The following ZFHX3 variants were observed in gnomAD, a reference collection of about 807,000 sequenced individuals.
ZFHX3 encodes the protein zinc finger homeobox protein 3.
ZFHX3 carries 42 observed loss-of-function variants against 279.1 expected under a neutral mutation model. The ratio of observed to expected loss-of-function variants is 0.15; its 90% CI spans 0.12 to 0.19. ZFHX3 has a LOEUF of 0.19. Among genes scored for constraint, ZFHX3 ranks in the 10% least tolerant of loss-of-function variants. The probability of loss-of-function intolerance (pLI) is 1.00; values close to 1 mark genes in which losing one functional copy is unlikely to be tolerated. For synonymous variants in ZFHX3, 2,293 were observed against 1,957.8 expected (o/e 1.17, Z -4.52); for missense variants, 4,981 against 4,754.0 (o/e 1.05, Z -1.40).
chr16:73,799,891 G>A (rs905779955), intron 1 of ZFHX3, among the ~76,000 whole-genome samples: 10 of 151,946 alleles, frequency 6.6e-5, no homozygotes, highest in Non-Finnish European at 8.8e-5. Context: ...TAACGTACAC[G>A]AATAATAACA....
At chr16:73,115,951 G>A (rs193062821) in intron 7 of ZFHX3, among the ~76,000 whole-genome samples, 18 of 152,060 alleles carry the variant, frequency 1.2e-4, no homozygotes, top group South Asian at 2.1e-4. Flanking sequence ...GAGAAACCCC[G>A]TCTCTGTTAA....
At chr16:73,160,176 T>C (rs961453929) in intron 5 of ZFHX3, among the ~76,000 whole-genome samples, 3 of 152,218 alleles carry the variant, frequency 2.0e-5, no homozygotes, top group Non-Finnish European at 4.4e-5. Context: ...CATTGTTCCC[T>C]TTCCTTATCC....
chr16:73,587,199 C>A (rs939509823), intron 2 of ZFHX3, among the ~76,000 whole-genome samples: 2 of 152,132 alleles, frequency 1.3e-5, no homozygotes, highest in African/African-American at 4.8e-5. Context: ...AGCTATTTCA[C>A]AAATTACAAT....
intron 3 of ZFHX3, among the ~76,000 whole-genome samples, chr16:72,943,450 T>C (rs1403220017): frequency 6.6e-6 from 1 of 152,078 alleles, no homozygotes; most frequent in Non-Finnish European, 1.5e-5. Context: ...TGAGAATCAC[T>C]TGAACCCAGA....
intron 1 of ZFHX3, among the ~76,000 whole-genome samples, chr16:73,862,008 C>T (rs931353248): frequency 6.6e-6 from 1 of 152,146 alleles, no homozygotes; most frequent in Non-Finnish European, 1.5e-5. Flanking sequence ...AGTTAACTAC[C>T]CACCTTCCCA....
chr16:73,239,144 C>T (rs1246769645), intron 5 of ZFHX3, among the ~76,000 whole-genome samples: 1 of 152,142 alleles, frequency 6.6e-6, no homozygotes, highest in South Asian at 2.1e-4. Flanking sequence ...TATTTTTATT[C>T]CAAGTATCAT....
intron 3 of ZFHX3, among the ~76,000 whole-genome samples, chr16:73,376,060 T>C (rs560761901): frequency 6.6e-6 from 1 of 152,348 alleles, no homozygotes; most frequent in South Asian, 2.1e-4. Flanking sequence ...GAGAAGTCTA[T>C]CTCCTTGCCA....
intron 5 of ZFHX3, among the ~76,000 whole-genome samples, chr16:73,248,586 C>T (rs920918965): frequency 1.3e-5 from 2 of 149,946 alleles, no homozygotes; most frequent in Non-Finnish European, 3.0e-5. Context: ...TGTATATGTG[C>T]ATGTGTGTAT....
At chr16:73,316,202 A>G (rs536994057) in intron 4 of ZFHX3, among the ~76,000 whole-genome samples, 3 of 152,356 alleles carry the variant, frequency 2.0e-5, no homozygotes, top group Admixed American at 6.5e-5. Context: ...GCATATCTCT[A>G]TCTTGCAGTA....
chr16:72,971,975 T>C (rs1962126992), intron 1 of ZFHX3, among the ~76,000 whole-genome samples: 1 of 138,636 alleles, frequency 7.2e-6, no homozygotes, highest in South Asian at 2.5e-4. Flanking sequence ...AACCTCCACC[T>C]CCTGCATTCA....
intron 3 of ZFHX3, among the ~76,000 whole-genome samples, chr16:73,422,225 C>G (rs2017731771): frequency 6.6e-6 from 1 of 150,722 alleles, no homozygotes; most frequent in African/African-American, 2.4e-5. Context: ...ATTTGGGAGG[C>G]CACCTCTGCA....
chr16:73,209,587 CTCCCAACATTGTTG>C (rs2144908552), intron 5 of ZFHX3, among the ~76,000 whole-genome samples: 1 of 152,308 alleles, frequency 6.6e-6, no homozygotes, highest in East Asian at 1.9e-4. Context: ...TAGGTCCCAT[CTCCCAACATTGTTG>C]TGTTGGGAGT....
intron 4 of ZFHX3, among the ~76,000 whole-genome samples, chr16:72,847,806 TG>T (rs2037516140): frequency 6.6e-6 from 1 of 151,838 alleles, no homozygotes; most frequent in Admixed American, 6.6e-5. Context: ...GAGAGCTGAA[TG>T]GAACAGGAAG....
intron 3 of ZFHX3, among the ~76,000 whole-genome samples, chr16:73,372,138 C>T (rs762560379): frequency 2.0e-5 from 3 of 152,046 alleles, no homozygotes; most frequent in Non-Finnish European, 4.4e-5. Flanking sequence ...GCAGGTGATC[C>T]GGAGTTGAGA....
chr16:73,537,514 C>T lies in ZFHX3; in HGVS notation c.-1546-81256G>A, dbSNP rs1015035091. Reference sequence around the variant, plus strand: ...TGTATTTCTAGTAGAGATGGGGTTTCGCCATGTTGGCCAGGATGGTCTTGA... The same window carrying T: ...TGTATTTCTAGTAGAGATGGGGTTTTGCCATGTTGGCCAGGATGGTCTTGA... On this transcript the variant is annotated intron_variant, in intron 2 of 17. Transcript: ENST00000641206. Among the ~76,000 whole-genome samples, 5 of 151,978 alleles carry T rather than the reference C, an allele frequency of 3.3e-5. No individual in the cohort carries two copies. In the South Asian group the frequency reaches 6.2e-4, roughly 19 times the overall value.
At chr16:72,874,735 C>A (rs1220763670) in intron 4 of ZFHX3, among the ~76,000 whole-genome samples, 1 of 151,996 alleles carries the variant, frequency 6.6e-6, no homozygotes, top group Admixed American at 6.6e-5. Context: ...CTCCCAGTAT[C>A]CTCCTGCCAC....
chr16:73,429,989 G>A (rs1300480572), intron 3 of ZFHX3, among the ~76,000 whole-genome samples: 4 of 152,178 alleles, frequency 2.6e-5, no homozygotes, highest in Admixed American at 2.0e-4. Flanking sequence ...CTGGGCTCAA[G>A]CGATCCTCCT....
Position 73,043,527 on chromosome 16 carries a change from A to G in ZFHX3, c.-50+4225T>C, listed in dbSNP as rs547864941. On this transcript the variant is annotated intron_variant, in intron 1 of 9. Coordinates refer to ENST00000268489, the MANE Select transcript of ZFHX3 (RefSeq NM_006885.4). ...TGAAAGGCAGAAACGTCAAAGAAAG[A>G]AAAAATCCCCTTTAAATGTTAAAAG... Among the ~76,000 whole-genome samples the G allele has an allele frequency of 2.0e-5, 3 of 152,328 alleles. No individual in the cohort carries two copies. The South Asian group carries it at 6.2e-4, about 32-fold the overall frequency.
chr16:73,235,680 G>T (rs1597234648), intron 5 of ZFHX3, among the ~76,000 whole-genome samples: 1 of 147,098 alleles, frequency 6.8e-6, no homozygotes, highest in African/African-American at 2.5e-5. Context: ...TATATCAATT[G>T]TTTTTTTTTT....
Sources: allele counts gnomAD v4.1 joint callset (sites outside exome capture counted in the v4.1 genomes callset), GRCh38; gene constraint gnomAD v4.1.1; transcripts MANE v1.5; gene names NCBI Gene and HGNC (gene_info 2026-07-23, HGNC 2026-07-21).